Variants in NRG1 observed in about 807,000 individuals in gnomAD.
NRG1 encodes pro-neuregulin-1, membrane-bound isoform.
A neutral mutation model predicts 63.8 loss-of-function variants in NRG1; 18 were observed. The observed-to-expected ratio is 0.28, with a 90% CI of 0.19 to 0.42. NRG1 has a LOEUF of 0.42. Ranked by LOEUF, NRG1 falls within the 10% of genes least tolerant of loss-of-function variation. NRG1 has a pLI of 1.00. For synonymous variants in NRG1, 302 were observed against 301.3 expected (o/e 1.00, Z -0.02); for missense variants, 762 against 814.7 (o/e 0.94, Z 0.79).
chr8:32,703,187 TAGTC>T (rs1815409944), intron 5 of NRG1, among the ~76,000 whole-genome samples: 1 of 152,202 alleles, frequency 6.6e-6, no homozygotes, highest in Non-Finnish European at 1.5e-5. Context: ...CTCACCTCTG[TAGTC>T]TTATTATCTG....
At chr8:32,253,286 C>T (rs1269875731) in intron 1 of NRG1, among the ~76,000 whole-genome samples, 1 of 151,304 alleles carries the variant, frequency 6.6e-6, no homozygotes, top group African/African-American at 2.4e-5. Flanking sequence ...TTTTCAAATG[C>T]TTCCTGTTTT....
In NRG1 at chr8:32,620,927, A is replaced by G. The variant is rs147972769; in HGVS notation, c.502+4042A>G. 4.6e-5 allele frequency among the ~76,000 whole-genome samples: 7 copies of G among 152,280 alleles called. No homozygotes were observed. The East Asian group carries it at 1.4e-3, about 29-fold the overall frequency. ...CCTTCTACCTACTTAATATATTATAAGCATTTTTCTCATGTTTTTAAATAG... is the reference window on the plus strand; with the variant it reads ...CCTTCTACCTACTTAATATATTATAGGCATTTTTCTCATGTTTTTAAATAG... On this transcript the variant is annotated intron_variant, in intron 5 of 11. Coordinates refer to ENST00000356819, the Ensembl canonical transcript of NRG1.
At position 32,694,674 on chromosome 8, in the gene NRG1, G is replaced by C. The variant is rs998348174; in HGVS notation, c.503-33275G>C. 5.3e-5 allele frequency among the ~76,000 whole-genome samples: 8 copies of C among 152,292 alleles called. No individual in the cohort carries two copies. The South Asian group carries it at 1.5e-3, about 28-fold the overall frequency. On this transcript the variant is annotated intron_variant, in intron 5 of 11. Coordinates refer to ENST00000356819, the Ensembl canonical transcript of NRG1. ...TTGTCCTTTGAATTAAGCAGAACGT[G>C]TGGGTGTGTGCACATGTGTGAGAGA...
At chr8:31,847,399 G>A (rs1826791089) in intron 1 of NRG1, among the ~76,000 whole-genome samples, 1 of 152,170 alleles carries the variant, frequency 6.6e-6, no homozygotes, top group South Asian at 2.1e-4. Flanking sequence ...CTTTCAGGGT[G>A]TTCGGATGAG....
intron 1 of NRG1, among the ~76,000 whole-genome samples, chr8:32,177,292 C>G (rs1840883219): frequency 7.1e-6 from 1 of 140,994 alleles, no homozygotes; most frequent in African/African-American, 2.7e-5. Context: ...AACACATGGA[C>G]ACGGGAAGGG....
At chr8:32,465,833 T>C (rs532996796) in intron 1 of NRG1, among the ~76,000 whole-genome samples, 1 of 152,274 alleles carries the variant, frequency 6.6e-6, no homozygotes, top group African/African-American at 2.4e-5. Context: ...CATGTAATCA[T>C]GGAGAGAAAT....
chr8:31,786,772 G>A (rs1208135441), intron 1 of NRG1, among the ~76,000 whole-genome samples: 3 of 152,116 alleles, frequency 2.0e-5, no homozygotes, highest in Non-Finnish European at 4.4e-5. Context: ...GGGTGGTGGG[G>A]GACAGAGCTT....
intron 1 of NRG1, among the ~76,000 whole-genome samples, chr8:32,058,947 A>G (rs1421988399): frequency 6.6e-6 from 1 of 152,058 alleles, no homozygotes; most frequent in Admixed American, 6.6e-5. Context: ...ACGTTCTGCT[A>G]AAAATACAAT....
At chr8:31,710,480 C>T (rs1272682766) in intron 1 of NRG1, among the ~76,000 whole-genome samples, 5 of 151,898 alleles carry the variant, frequency 3.3e-5, no homozygotes, top group Admixed American at 2.0e-4. Context: ...GAATTACTCT[C>T]TTCTCACTAG....
intron 1 of NRG1, among the ~76,000 whole-genome samples, chr8:32,281,137 G>C (rs1178756944): frequency 7.0e-6 from 1 of 142,426 alleles, no homozygotes; most frequent in Non-Finnish European, 1.5e-5. Flanking sequence ...AAATTATTTT[G>C]TTACCCAGGT....
chr8:32,204,850 T>C (rs968563798), intron 1 of NRG1, among the ~76,000 whole-genome samples: 2 of 152,206 alleles, frequency 1.3e-5, no homozygotes, highest in Non-Finnish European at 2.9e-5. Flanking sequence ...ATATTTTATG[T>C]CAGCAAGCAC....
chr8:32,220,014 A>G (rs777465141), intron 1 of NRG1, among the ~76,000 whole-genome samples: 16 of 152,210 alleles, frequency 1.1e-4, no homozygotes, highest in Admixed American at 2.6e-4. Flanking sequence ...GGAGAATGCC[A>G]TGAAGGGCAA....
At chr8:31,675,167 A>AC (rs1238817447) in intron 1 of NRG1, among the ~76,000 whole-genome samples, 2 of 152,186 alleles carry the variant, frequency 1.3e-5, no homozygotes, top group Admixed American at 6.5e-5. Context: ...ACATGGTGAA[A>AC]CCCCATCTCT....
intron 1 of NRG1, among the ~76,000 whole-genome samples, chr8:32,411,506 G>T (rs1181010810): frequency 6.6e-6 from 1 of 152,158 alleles, no homozygotes; most frequent in African/African-American, 2.4e-5. Context: ...TATCCAAGAG[G>T]TGCAAGCTCT....
intron 5 of NRG1, among the ~76,000 whole-genome samples, chr8:32,642,361 A>G (rs936079553): frequency 6.6e-6 from 1 of 152,228 alleles, no homozygotes; most frequent in African/African-American, 2.4e-5. Context: ...TGTATACACG[A>G]TGTAATTAAA....
intron 1 of NRG1, among the ~76,000 whole-genome samples, chr8:31,915,611 G>A (rs140521951): frequency 2.9e-4 from 44 of 152,132 alleles, no homozygotes; most frequent in African/African-American, 9.9e-4. Context: ...TTACACCTGC[G>A]ATATTGCAAG....
At chr8:31,778,542 G>A (rs1239987172) in intron 1 of NRG1, among the ~76,000 whole-genome samples, 1 of 152,128 alleles carries the variant, frequency 6.6e-6, no homozygotes, top group East Asian at 1.9e-4. Context: ...TGTACATCTA[G>A]TCAATGCTTA....
chr8:32,023,980 G>A (rs558149708), intron 1 of NRG1, among the ~76,000 whole-genome samples: 2 of 152,148 alleles, frequency 1.3e-5, no homozygotes, highest in African/African-American at 2.4e-5. Flanking sequence ...CTCCTAGCAG[G>A]AGGCAGAAGA....
chr8:32,594,492 A>G (rs183281975), intron 1 of NRG1, among the ~76,000 whole-genome samples: 2 of 152,342 alleles, frequency 1.3e-5, no homozygotes, highest in East Asian at 3.9e-4. Flanking sequence ...AAACAGAATT[A>G]GACATACTAT....
Sources: allele counts gnomAD v4.1 joint callset (sites outside exome capture counted in the v4.1 genomes callset), GRCh38; gene constraint gnomAD v4.1.1; transcripts MANE v1.5; gene names NCBI Gene and HGNC (gene_info 2026-07-23, HGNC 2026-07-21).